DGLUCY: variants seen among roughly 807,000 people sequenced by gnomAD.
DGLUCY encodes the protein D-glutamate cyclase, mitochondrial.
DGLUCY carries 58 observed loss-of-function variants against 58.5 expected under a neutral mutation model. The ratio of observed to expected loss-of-function variants is 0.99; its 90% CI spans 0.80 to 1.23. The LOEUF (loss-of-function observed/expected upper bound fraction) is 1.23, where lower values mean the gene tolerates loss of function less well. Ranked by LOEUF, DGLUCY falls within the 50% of genes most tolerant of loss-of-function variation. The pLI, the probability that DGLUCY is intolerant of heterozygous loss-of-function variation, is 0.00. For synonymous variants in DGLUCY, 325 were observed against 314.1 expected (o/e 1.03, Z -0.37); for missense variants, 779 against 784.7 (o/e 0.99, Z 0.09).
At chr14:91,212,569 G>A (rs1190455807) in intron 12 of DGLUCY, among the ~76,000 whole-genome samples, 1 of 152,144 alleles carries the variant, frequency 6.6e-6, no homozygotes, top group Non-Finnish European at 1.5e-5. Context: ...AGGCATAGTG[G>A]CTCATGCCTG....
At chr14:91,137,775 TTG>T (rs768115237) in intron 1 of DGLUCY, among the ~76,000 whole-genome samples, 3 of 151,942 alleles carry the variant, frequency 2.0e-5, no homozygotes, top group Non-Finnish European at 4.4e-5. Context: ...ATGGCTGGCT[TTG>T]AGAGAGAGGG....
chr14:91,221,077 C>A (rs1193316890), intron 13 of DGLUCY, among the ~76,000 whole-genome samples: 1 of 152,246 alleles, frequency 6.6e-6, no homozygotes, highest in African/African-American at 2.4e-5. Context: ...AGGGAGCTGC[C>A]TGAGGGCTCT....
In DGLUCY at chr14:91,152,257, G is replaced by C. The variant is rs570405369; in HGVS notation, c.-81-5382G>C. Among the ~76,000 whole-genome samples the C allele has an allele frequency of 4.6e-5, 7 of 152,232 alleles. No individual in the cohort carries two copies. The South Asian group carries it at 1.2e-3, about 27-fold the overall frequency. On this transcript the variant is annotated intron_variant, in intron 1 of 13. Coordinates refer to ENST00000256324, the MANE Select transcript of DGLUCY (RefSeq NM_001102368.3). The stretch of plus-strand genomic sequence containing the variant: ...AAATAACAGAAATTAGCTGGGCACA[G>C]TGGTGCATGCCTGTGGTGGTCCCAA...
chr14:91,123,649 C>T (rs1291755192), intron 1 of DGLUCY, among the ~76,000 whole-genome samples: 2 of 152,122 alleles, frequency 1.3e-5, no homozygotes, highest in Admixed American at 6.6e-5. Context: ...TGCAGTGGCA[C>T]AGTCATGGCT....
At chr14:91,187,855 T>A (rs991002029) in intron 8 of DGLUCY, among the ~76,000 whole-genome samples, 4 of 152,142 alleles carry the variant, frequency 2.6e-5, no homozygotes, top group African/African-American at 9.7e-5. Context: ...TACTGTTTTT[T>A]TTTCCGCTTT....
At chr14:91,199,651 A>G (rs1180957576) in intron 10 of DGLUCY, 106 bp from the exon 11 acceptor site, 2 of 1,324,388 alleles carry the variant, frequency 1.5e-6, no homozygotes, top group East Asian at 4.6e-5. Flanking sequence ...TGAAGGAATC[A>G]AAGAAAAAAA....
intron 7 of DGLUCY, among the ~76,000 whole-genome samples, chr14:91,179,607 C>T (rs1269388304): frequency 2.0e-5 from 3 of 151,678 alleles, no homozygotes; most frequent in Non-Finnish European, 4.4e-5. Context: ...AAAAATTAGC[C>T]GGGTGTAGTG....
chr14:91,129,562 C>G (rs2045914656), intron 1 of DGLUCY, among the ~76,000 whole-genome samples: 1 of 151,054 alleles, frequency 6.6e-6, no homozygotes, highest in Non-Finnish European at 1.5e-5. Flanking sequence ...ATAGGGAGAC[C>G]CCTTCACTAC....
intron 6 of DGLUCY, chr14:91,173,773 A>G (rs1409714817): frequency 2.4e-5 from 5 of 210,114 alleles, no homozygotes; most frequent in Non-Finnish European, 4.8e-5. Context: ...TTGGCAGAAT[A>G]GCCAGTCTCA....
rs558933762 is a variant in DGLUCY at position 91,067,880 on chromosome 14, C to T, written c.-82+7176C>T. Among the ~76,000 whole-genome samples the T allele has an allele frequency of 9.2e-5, 14 of 152,058 alleles. No homozygotes were observed. In the South Asian group the frequency reaches 2.9e-3, roughly 32 times the overall value. ...TCAATATCTTAATACTATTTTTGAC[C>T]CTGTCAGTACCTTTGCCATGTGATA... On this transcript the variant is annotated intron_variant, in intron 1 of 4. Coordinates refer to the DGLUCY transcript ENST00000521334.
chr14:91,196,179 C>G (rs527509247), intron 9 of DGLUCY, among the ~76,000 whole-genome samples, 196 bp from the exon 10 acceptor site: 1 of 152,268 alleles, frequency 6.6e-6, no homozygotes, highest in East Asian at 1.9e-4. Flanking sequence ...CCCGTCAACC[C>G]TAGAGTTTAC....
At chr14:91,181,963 CTTTTTATT>C (rs780804380) in intron 8 of DGLUCY, among the ~76,000 whole-genome samples, 21 of 136,326 alleles carry the variant, frequency 1.5e-4, no homozygotes, top group Non-Finnish European at 2.7e-4. Context: ...TTCTTTATGG[CTTTTTATT>C]TATTTATTTA....
chr14:91,068,391 G>A (rs1309124500), intron 1 of DGLUCY, among the ~76,000 whole-genome samples: 4 of 152,196 alleles, frequency 2.6e-5, no homozygotes, highest in Admixed American at 1.3e-4. Flanking sequence ...ATTGGGGGCC[G>A]GGCACGGTGG....
rs2049155712 is a variant in DGLUCY at position 91,181,346 on chromosome 14, T to C, written c.891T>C (p.Ser297=). 1 of 1,614,080 alleles carries C rather than the reference T, an allele frequency of 6.2e-7. No individual in the cohort carries two copies. The highest frequency in any genetic ancestry group is 8.5e-7 in the Non-Finnish European group (1 of 1,180,028). The change falls in exon 8 of 14, where the codon TCT becomes TCC. Residue 297 remains serine, a synonymous_variant. Coordinates refer to ENST00000256324, the MANE Select transcript of DGLUCY (RefSeq NM_001102368.3). ...LHYSIASVSA[S]QKIRELESMI... is the part of the protein sequence containing the mutation. ...ACAGCATCGCGTCAGTCTCTGCTTC[T>C]CAGAAGATCAGAGAACTAGAGTCTA...
intron 13 of DGLUCY, among the ~76,000 whole-genome samples, chr14:91,217,167 C>A (rs1404641276): frequency 2.0e-5 from 3 of 152,204 alleles, no homozygotes; most frequent in Non-Finnish European, 2.9e-5. Flanking sequence ...GGGGAATATT[C>A]CCAGGTAATT....
chr14:91,173,503 C>T (rs1405771317), intron 6 of DGLUCY, 64 bp downstream of exon 6: 2 of 1,491,846 alleles, frequency 1.3e-6, no homozygotes, highest in African/African-American at 1.4e-5. Flanking sequence ...GTCAGTGTCT[C>T]TCGCTCCTGC....
At chr14:91,173,539 G>C in intron 6 of DGLUCY, 100 bp downstream of exon 6, 1 of 1,403,556 alleles carries the variant, frequency 7.1e-7, no homozygotes, top group Admixed American at 2.9e-5. Context: ...TCACATCGGC[G>C]ACCCAGGTCA....
intron 1 of DGLUCY, among the ~76,000 whole-genome samples, chr14:91,100,257 G>A (rs1482904557): frequency 1.3e-5 from 2 of 152,154 alleles, no homozygotes; most frequent in Admixed American, 1.3e-4. Context: ...CGCTGGCAGT[G>A]CATTGGTGGG....
intron 1 of DGLUCY, chr14:91,125,589 A>G (rs1405363742): frequency 6.6e-6 from 1 of 152,236 alleles, no homozygotes; most frequent in Non-Finnish European, 1.5e-5. Flanking sequence ...CTGGCAGCCT[A>G]TGCTCACATT....
Sources: gnomAD v4.1 joint callset for allele counts (sites outside exome capture counted in the v4.1 genomes callset) on GRCh38, gnomAD v4.1.1 for gene constraint, MANE v1.5 for transcripts, NCBI Gene and HGNC (gene_info 2026-07-23, HGNC 2026-07-21) for gene names.